CDC123: variants seen among roughly 807,000 people sequenced by gnomAD.
The protein encoded by CDC123 is translation initiation factor eIF2 assembly protein.
Under a neutral mutation model 54.4 loss-of-function variants are expected in CDC123, and 37 were observed. The observed-to-expected ratio is 0.68, with a 90% confidence interval of 0.52 to 0.89. The LOEUF (loss-of-function observed/expected upper bound fraction) is 0.89, where lower values mean the gene tolerates loss of function less well. Among genes scored for constraint, CDC123 ranks in the 40% least tolerant of loss-of-function variants. The pLI is 0.00. For synonymous variants in CDC123, 144 were observed against 136.8 expected (o/e 1.05, Z -0.37); for missense variants, 361 against 412.1 (o/e 0.88, Z 1.07).
intron 1 of CDC123, among the ~76,000 whole-genome samples, chr10:12,197,477 C>T (rs527418154): frequency 5.8e-4 from 84 of 143,714 alleles, no homozygotes; most frequent in African/African-American, 2.1e-3. Flanking sequence ...CCCGAGTTCA[C>T]GCCATTCTCC....
intron 2 of CDC123, among the ~76,000 whole-genome samples, chr10:12,209,110 C>G (rs1272532085): frequency 6.6e-6 from 1 of 152,192 alleles, no homozygotes; most frequent in Non-Finnish European, 1.5e-5. Flanking sequence ...GGTTCAGAGT[C>G]TAGATGATTC....
intron 2 of CDC123, among the ~76,000 whole-genome samples, chr10:12,200,916 A>G (rs1835430588): frequency 6.8e-6 from 1 of 148,058 alleles, no homozygotes; most frequent in Non-Finnish European, 1.5e-5. Context: ...CTGGACAACA[A>G]GAGCTAAACT....
chr10:12,227,286 G>A (rs1422528137), intron 6 of CDC123, among the ~76,000 whole-genome samples: 1 of 149,826 alleles, frequency 6.7e-6, no homozygotes, highest in South Asian at 2.1e-4. Context: ...GGGGAGAGGG[G>A]GAGGGGGAGG....
intron 4 of CDC123, among the ~76,000 whole-genome samples, chr10:12,214,024 T>A (rs1398916744): frequency 6.6e-6 from 1 of 152,204 alleles, no homozygotes; most frequent in Non-Finnish European, 1.5e-5. Flanking sequence ...ATGTAAACAG[T>A]ACATAGTCTT....
chr10:12,230,645 G>A lies in CDC123; in HGVS notation c.441-303G>A, dbSNP rs544910549. Among the ~76,000 whole-genome samples, 49 of 152,256 alleles carry A rather than the reference G, an allele frequency of 3.2e-4. 1 individual carries two copies. Among genetic ancestry groups the A allele is most frequent in the African/African-American group, 9.9e-4 (41 of 41,536 alleles). ...TTATTTTAAAATGTACAATTAAATC[G>A]TTGTTGACTGTAGTCACCCTGTTGT... On this transcript the variant is annotated intron_variant, in intron 6 of 12. Transcript: ENST00000281141.
intron 6 of CDC123, among the ~76,000 whole-genome samples, chr10:12,226,326 C>T (rs897692343): frequency 8.9e-5 from 13 of 146,468 alleles, no homozygotes; most frequent in African/African-American, 3.0e-4. Flanking sequence ...CCACCTCCCT[C>T]CTGGACGGGG....
intron 8 of CDC123, 124 bp from the exon 9 acceptor site, chr10:12,237,020 G>A (rs888043114): frequency 2.2e-5 from 26 of 1,166,084 alleles, no homozygotes; most frequent in Admixed American, 3.3e-5. Flanking sequence ...GTGTAATGCC[G>A]TACCCATCAG....
intron 6 of CDC123, among the ~76,000 whole-genome samples, chr10:12,220,741 G>C (rs1835724799): frequency 6.6e-6 from 1 of 152,210 alleles, no homozygotes; most frequent in African/African-American, 2.4e-5. Flanking sequence ...ACTTTGGGAG[G>C]CCGAGGTGGG....
At chr10:12,210,647 A>G (rs1444721442) in intron 4 of CDC123, among the ~76,000 whole-genome samples, 1 of 152,168 alleles carries the variant, frequency 6.6e-6, no homozygotes. Flanking sequence ...TCTGGAACAT[A>G]AAGTGAAAAT....
chr10:12,245,112 C>G (rs1470970759), intron 10 of CDC123: 1 of 152,314 alleles, frequency 6.6e-6, no homozygotes, highest in Non-Finnish European at 1.5e-5. Flanking sequence ...GAGTCAGAAG[C>G]GCTGCTCTCT....
intron 2 of CDC123, 137 bp downstream of exon 2, chr10:12,198,913 A>G (rs1304085428): frequency 3.4e-6 from 2 of 591,964 alleles, no homozygotes; most frequent in East Asian, 3.0e-5. Flanking sequence ...TCTTTGTCTC[A>G]TATTCCTTCT....
intron 10 of CDC123, among the ~76,000 whole-genome samples, chr10:12,241,455 G>A (rs374849757): frequency 3.3e-5 from 5 of 152,114 alleles, no homozygotes; most frequent in East Asian, 1.9e-4. Flanking sequence ...AATATTGGAT[G>A]TTTGGCTTTT....
intron 2 of CDC123, among the ~76,000 whole-genome samples, chr10:12,201,422 C>G (rs1482103974): frequency 1.3e-5 from 2 of 151,706 alleles, no homozygotes; most frequent in African/African-American, 4.9e-5. Context: ...GGGGAATGCT[C>G]CGAAGAAGGA....
At chr10:12,210,187 A>T in intron 3 of CDC123, 103 bp from the exon 4 acceptor site, 2 of 1,479,822 alleles carry the variant, frequency 1.4e-6, no homozygotes, top group South Asian at 2.4e-5. Context: ...TCCGGAAAAG[A>T]TGTCTCCTGT....
Position 12,249,655 on chromosome 10 carries a change from C to T in CDC123, c.921C>T (p.Pro307=). The T allele has an allele frequency of 6.2e-7, 1 of 1,614,176 alleles. No homozygotes were observed. Among genetic ancestry groups the T allele is most frequent in the Non-Finnish European group, 8.5e-7 (1 of 1,180,038 alleles). The change falls in exon 12 of 13, where the codon CCC becomes CCT. Residue 307 remains proline, a synonymous_variant. Coordinates refer to ENST00000281141, the MANE Select transcript of CDC123 (RefSeq NM_006023.3). ...GCCCCTATTTGAGTTACCGGCTACC[C>T]AAGGACTTTGTAGACCTCTCTACTG... ...QPSPYLSYRL[P]KDFVDLSTGE...
chr10:12,236,081 C>T (rs901027631), intron 8 of CDC123, among the ~76,000 whole-genome samples: 1 of 152,204 alleles, frequency 6.6e-6, no homozygotes, highest in African/African-American at 2.4e-5. Context: ...GAAAAATAGA[C>T]TGCTTCTATG....
At chr10:12,220,598 C>G (rs561503399) in intron 6 of CDC123, among the ~76,000 whole-genome samples, 1 of 152,346 alleles carries the variant, frequency 6.6e-6, no homozygotes, top group South Asian at 2.1e-4. Flanking sequence ...GGTTGCATAA[C>G]AGGAAGTGTT....
At chr10:12,213,292 A>G (rs953780344) in intron 4 of CDC123, among the ~76,000 whole-genome samples, 2 of 152,230 alleles carry the variant, frequency 1.3e-5, no homozygotes, top group Non-Finnish European at 2.9e-5. Context: ...CAGACCTGTC[A>G]TGTGTGCCTC....
At chr10:12,210,808 C>T (rs553420530) in intron 4 of CDC123, among the ~76,000 whole-genome samples, 79 of 152,286 alleles carry the variant, frequency 5.2e-4, no homozygotes, top group Non-Finnish European at 3.2e-4. Flanking sequence ...TCAAGCTATT[C>T]TCCTGCCTCA....
Sources: allele counts gnomAD v4.1 joint callset (sites outside exome capture counted in the v4.1 genomes callset), GRCh38; gene constraint gnomAD v4.1.1; transcripts MANE v1.5; gene names NCBI Gene and HGNC (gene_info 2026-07-23, HGNC 2026-07-21).